CSMD1: variants seen among roughly 807,000 people sequenced by gnomAD.
CSMD1 encodes the protein CUB and Sushi multiple domains 1, also known as CUB and sushi domain-containing protein 1.
In CSMD1, 213 loss-of-function variants were observed where a neutral mutation model predicts 417.5. The ratio of observed to expected loss-of-function variants is 0.51; its 90% CI spans 0.46 to 0.57. CSMD1 has a LOEUF of 0.57. Ranked by LOEUF, CSMD1 falls within the 20% of genes least tolerant of loss-of-function variation. CSMD1 has a pLI of 0.00. For synonymous variants in CSMD1, 2,862 were observed against 1,736.8 expected (o/e 1.65, Z -16.11); for missense variants, 6,923 against 4,529.7 (o/e 1.53, Z -15.17).
At chr8:4,819,660 AC>A (rs1388902579) in intron 1 of CSMD1, among the ~76,000 whole-genome samples, 1 of 152,126 alleles carries the variant, frequency 6.6e-6, no homozygotes, top group Non-Finnish European at 1.5e-5. Flanking sequence ...ATCTGTTGTC[AC>A]CCCTGTCTCA....
chr8:4,898,344 A>T (rs926568827), intron 1 of CSMD1, among the ~76,000 whole-genome samples: 2 of 151,924 alleles, frequency 1.3e-5, no homozygotes, highest in African/African-American at 2.4e-5. Context: ...ATTTATAATT[A>T]TTTGTTGCAA....
chr8:3,058,753 A>C (rs2128992588), intron 49 of CSMD1, among the ~76,000 whole-genome samples: 1 of 152,016 alleles, frequency 6.6e-6, no homozygotes, highest in Middle Eastern at 3.4e-3. Context: ...AAGGATTTAG[A>C]CTATCCTAAA....
rs536989174 is a variant in CSMD1, at chr8:3,075,798, T to C, written c.7474+11299A>G. Among the ~76,000 whole-genome samples, 669 of 151,482 alleles carry C rather than the reference T, an allele frequency of 4.4e-3. 16 individuals are homozygous for C. Among genetic ancestry groups the C allele is most frequent in the Admixed American group, 0.032 (492 of 15,230 alleles). ...GGCTCATGCCTGTAATCTCAGCACT[T>C]TGGGAGGCCAAGGCGGGTGGATCAC... On this transcript the variant is annotated intron_variant, in intron 49 of 69. Transcript: ENST00000635120.
chr8:4,814,590 G>A (rs1585144622), intron 1 of CSMD1, among the ~76,000 whole-genome samples: 1 of 152,142 alleles, frequency 6.6e-6, no homozygotes, highest in African/African-American at 2.4e-5. Flanking sequence ...CTTTAATTAG[G>A]CAAATAATAA....
intron 2 of CSMD1, among the ~76,000 whole-genome samples, chr8:4,609,973 C>A (rs964770341): frequency 9.2e-5 from 14 of 151,896 alleles, no homozygotes; most frequent in Non-Finnish European, 1.0e-4. Context: ...TTGGTAATTC[C>A]TTCAATAGCT....
intron 5 of CSMD1, among the ~76,000 whole-genome samples, chr8:3,991,992 T>C (rs555834450): frequency 6.6e-6 from 1 of 152,064 alleles, no homozygotes; most frequent in Non-Finnish European, 1.5e-5. Flanking sequence ...AAATACACTA[T>C]TGAAAAAACA....
At chr8:3,673,424 C>G (rs1375637976) in intron 7 of CSMD1, among the ~76,000 whole-genome samples, 1 of 152,176 alleles carries the variant, frequency 6.6e-6, no homozygotes, top group East Asian at 1.9e-4. Context: ...AGCATCAACT[C>G]CCCTTGGTCT....
intron 1 of CSMD1, among the ~76,000 whole-genome samples, chr8:4,739,572 C>G (rs754589932): frequency 6.6e-6 from 1 of 152,302 alleles, no homozygotes; most frequent in Admixed American, 6.5e-5. Context: ...TCTTTTGACT[C>G]TAAATGAGAA....
Position 4,004,329 on chromosome 8 carries a change from G to C in CSMD1, c.611-6219C>G, listed in dbSNP as rs75030642. On this transcript the variant is annotated intron_variant, in intron 4 of 69. Coordinates refer to ENST00000635120, the MANE Select transcript of CSMD1 (RefSeq NM_033225.6). ...AATCATAGTACGTGTAGAACTTTAT[G>C]TGTTTCTGAGAGAGTATATCCACAA... Among the ~76,000 whole-genome samples the C allele has an allele frequency of 3.2e-4, 49 of 151,738 alleles. No individual in the cohort carries two copies. In the East Asian group the frequency reaches 9.3e-3, roughly 29 times the overall value.
At position 3,753,926 on chromosome 8, in the gene CSMD1, T is replaced by C; in HGVS notation, c.931+4A>G. On this transcript the variant is annotated splice_donor_region_variant and intron_variant, in intron 6 of 69. Transcript: ENST00000635120. The stretch of plus-strand genomic sequence containing the variant: ...TTTTTTCTTATAAGATGGAGCATCC[T>C]TACCTTGGAACTGAGCGTTAAATCC... 3.8e-6 allele frequency: 6 copies of C among 1,592,600 alleles called. No individual in the cohort carries two copies. Among genetic ancestry groups the C allele is most frequent in the Non-Finnish European group, 5.2e-6 (6 of 1,162,038 alleles).
chr8:4,202,992 A>G (rs1481475395), intron 3 of CSMD1, among the ~76,000 whole-genome samples: 1 of 152,290 alleles, frequency 6.6e-6, no homozygotes, highest in East Asian at 1.9e-4. Context: ...AGATGTCTGC[A>G]TCGTAATTCC....
intron 5 of CSMD1, among the ~76,000 whole-genome samples, chr8:3,981,721 A>C (rs1813885802): frequency 6.6e-6 from 1 of 152,078 alleles, no homozygotes; most frequent in South Asian, 2.1e-4. Flanking sequence ...TGATTTCTTC[A>C]GTCCTACATT....
chr8:4,655,633 T>G (rs1434168011), intron 1 of CSMD1, among the ~76,000 whole-genome samples: 2 of 152,078 alleles, frequency 1.3e-5, no homozygotes, highest in Non-Finnish European at 2.9e-5. Flanking sequence ...TAGAAGAACA[T>G]AGCATGTAAT....
intron 30 of CSMD1, among the ~76,000 whole-genome samples, chr8:3,213,325 A>G: frequency 6.6e-6 from 1 of 152,178 alleles, no homozygotes; most frequent in East Asian, 1.9e-4. Context: ...TTTTAAATAT[A>G]TACCATGAAA....
At chr8:4,949,800 C>T (rs1027756539) in intron 1 of CSMD1, among the ~76,000 whole-genome samples, 5 of 151,950 alleles carry the variant, frequency 3.3e-5, no homozygotes, top group South Asian at 4.2e-4. Context: ...AACATGTACT[C>T]GAAGCAATAT....
chr8:4,602,828 TCC>T (rs1800664374), intron 2 of CSMD1, among the ~76,000 whole-genome samples: 7 of 152,016 alleles, frequency 4.6e-5, no homozygotes, highest in Non-Finnish European at 2.9e-5. Context: ...GCTGACTTTA[TCC>T]TGTATTAATA....
intron 37 of CSMD1, among the ~76,000 whole-genome samples, chr8:3,175,068 C>G (rs1820820519): frequency 6.6e-6 from 1 of 152,036 alleles, no homozygotes; most frequent in Non-Finnish European, 1.5e-5. Context: ...ACAAAATTAT[C>G]TACATATGTT....
intron 2 of CSMD1, among the ~76,000 whole-genome samples, chr8:4,624,846 G>C (rs1016670543): frequency 2.6e-5 from 4 of 152,084 alleles, no homozygotes; most frequent in Non-Finnish European, 5.9e-5. Flanking sequence ...ACCCACCTTA[G>C]CCTTTCAAAT....
intron 2 of CSMD1, among the ~76,000 whole-genome samples, chr8:4,529,592 G>T (rs868290232): frequency 6.6e-5 from 10 of 152,214 alleles, no homozygotes; most frequent in Non-Finnish European, 1.2e-4. Flanking sequence ...CTCCTTGGGG[G>T]CAGTGTTGCC....
Sources: gnomAD v4.1 joint callset for allele counts (sites outside exome capture counted in the v4.1 genomes callset) on GRCh38, gnomAD v4.1.1 for gene constraint, MANE v1.5 for transcripts, NCBI Gene and HGNC (gene_info 2026-07-23, HGNC 2026-07-21) for gene names.